The following FBN1 variants were observed in gnomAD, a reference collection of about 807,000 sequenced individuals.
FBN1 encodes the protein fibrillin-1.
Under a neutral mutation model 365.1 loss-of-function variants are expected in FBN1, and 29 were observed. That is an observed-to-expected ratio of 0.08 (90% CI 0.06 to 0.11). FBN1 has a LOEUF of 0.11. Ranked by LOEUF, FBN1 falls within the 10% of genes least tolerant of loss-of-function variation. FBN1 has a pLI of 1.00. For synonymous variants in FBN1, 1,210 were observed against 1,270.5 expected (o/e 0.95, Z 1.01); for missense variants, 2,476 against 3,703.2 (o/e 0.67, Z 8.60).
In FBN1 at chr15:48,441,883, C is replaced by T. The variant is rs202137580; in HGVS notation, c.6038-37G>A. The T allele has an allele frequency of 7.9e-4, 1,273 of 1,609,704 alleles. 1 individual carries two copies. The highest frequency in any genetic ancestry group is 9.9e-4 in the Non-Finnish European group (1,170 of 1,178,354). ...ACATGAGTCAAACAAAGTCAAAACA[C>T]GATGGAGACATCATCAGGTACCAAA... On this transcript the variant is annotated intron_variant, in intron 49 of 65. Coordinates refer to ENST00000316623, the MANE Select transcript of FBN1 (RefSeq NM_000138.5).
chr15:48,477,467 T>C (rs1036412810), intron 32 of FBN1, among the ~76,000 whole-genome samples: 1 of 152,342 alleles, frequency 6.6e-6, no homozygotes. Flanking sequence ...TTGGAGAGAC[T>C]TCAAGTGGTC....
intron 12 of FBN1, among the ~76,000 whole-genome samples, 170 bp from the exon 13 acceptor site, chr15:48,513,838 C>T (rs1000140277): frequency 2.6e-5 from 4 of 152,152 alleles, no homozygotes; most frequent in African/African-American, 9.7e-5. Flanking sequence ...CATTTGAAGA[C>T]TGGTTGAGCA....
At chr15:48,480,436 G>T (rs2043457430) in intron 32 of FBN1, among the ~76,000 whole-genome samples, 1 of 152,068 alleles carries the variant, frequency 6.6e-6, no homozygotes, top group African/African-American at 2.4e-5. Flanking sequence ...TAGGAGTTGA[G>T]AGTTTAAACA....
chr15:48,480,433 TGA>T (rs2043457405), intron 32 of FBN1, among the ~76,000 whole-genome samples: 1 of 152,030 alleles, frequency 6.6e-6, no homozygotes, highest in Non-Finnish European at 1.5e-5. Context: ...GTATAGGAGT[TGA>T]GAGTTTAAAC....
intron 6 of FBN1, among the ~76,000 whole-genome samples, chr15:48,562,300 T>C (rs1358096869): frequency 6.6e-6 from 1 of 152,200 alleles, no homozygotes; most frequent in Admixed American, 6.5e-5. Flanking sequence ...AAAGAGGCCA[T>C]GGATTACTGT....
intron 38 of FBN1, among the ~76,000 whole-genome samples, 181 bp from the exon 39 acceptor site, chr15:48,466,039 TTTA>T (rs1316090605): frequency 6.6e-6 from 1 of 152,206 alleles, no homozygotes. Context: ...TCCAGTGGTT[TTTA>T]TTATGTGTCC....
intron 16 of FBN1, among the ~76,000 whole-genome samples, chr15:48,504,723 A>G (rs2043693896): frequency 6.6e-6 from 1 of 152,222 alleles, no homozygotes; most frequent in South Asian, 2.1e-4. Context: ...GCATATGCAC[A>G]TCAATTTCAA....
At position 48,410,679 on chromosome 15, in the gene FBN1, C is replaced by T. The variant is rs894774727; in HGVS notation, c.*311G>A. 8.9e-6 allele frequency: 3 copies of T among 335,610 alleles called. No individual in the cohort carries two copies. The highest frequency in any genetic ancestry group is 1.6e-5 in the Non-Finnish European group (3 of 183,518). The allele number at this position is 335,610 out of a possible 1,614,324, so 20.8% of individuals were successfully genotyped here. A position where few individuals can be genotyped will look rare whatever the true frequency, so the allele number is the denominator to read the frequency against. ...CATCAATTGAAAGCACATTCCCGTA[C>T]GTTTGCTGGAAGGATGGCATGTCAG... is the stretch of plus-strand genomic sequence containing the variant. On this transcript the variant is annotated 3_prime_UTR_variant, in exon 66 of 66. Coordinates refer to ENST00000316623, the MANE Select transcript of FBN1 (RefSeq NM_000138.5).
intron 6 of FBN1, among the ~76,000 whole-genome samples, chr15:48,576,051 C>G (rs2044344441): frequency 6.6e-6 from 1 of 152,102 alleles, no homozygotes; most frequent in Non-Finnish European, 1.5e-5. Context: ...AGTGGTCTCA[C>G]CTACTTGTCT....
At chr15:48,602,399 C>G (rs1485809592) in intron 4 of FBN1, among the ~76,000 whole-genome samples, 2 of 152,058 alleles carry the variant, frequency 1.3e-5, no homozygotes, top group Non-Finnish European at 2.9e-5. Context: ...TATGCAATAC[C>G]TCTTAAGTGC....
intron 2 of FBN1, among the ~76,000 whole-genome samples, chr15:48,624,636 T>C (rs537724653): frequency 1.3e-5 from 2 of 152,372 alleles, no homozygotes; most frequent in African/African-American, 2.4e-5. Flanking sequence ...ATGTTGCCTG[T>C]GTAAAGAACT....
chr15:48,514,971 T>C (rs965796543), intron 12 of FBN1, among the ~76,000 whole-genome samples: 16 of 152,210 alleles, frequency 1.1e-4, no homozygotes, highest in African/African-American at 3.9e-4. Flanking sequence ...GAGAGTCTCC[T>C]GGATTATACA....
chr15:48,573,219 C>T (rs548567788), intron 6 of FBN1, among the ~76,000 whole-genome samples: 1 of 152,222 alleles, frequency 6.6e-6, no homozygotes, highest in Non-Finnish European at 1.5e-5. Context: ...TTGTGTTTTT[C>T]CATATATTTA....
intron 6 of FBN1, among the ~76,000 whole-genome samples, chr15:48,540,429 C>T (rs1037780222): frequency 6.6e-6 from 1 of 152,110 alleles, no homozygotes; most frequent in Non-Finnish European, 1.5e-5. Flanking sequence ...CTTCACTTAA[C>T]ATTGCCAAAG....
chr15:48,430,825 A>C, intron 55 of FBN1, 23 bp from the exon 56 acceptor site: 1 of 1,611,892 alleles, frequency 6.2e-7, no homozygotes, highest in African/African-American at 1.3e-5. Context: ...TACAATCACA[A>C]ATTTGTCAAA....
At chr15:48,596,599 G>A (rs912581893) in intron 5 of FBN1, among the ~76,000 whole-genome samples, 1 of 152,174 alleles carries the variant, frequency 6.6e-6, no homozygotes, top group Non-Finnish European at 1.5e-5. Context: ...AATGCTGATG[G>A]TCTCATTCCG....
In FBN1 at chr15:48,515,448, A is replaced by T; in HGVS notation, c.1407T>A (p.Pro469=). Residue 469 remains proline (P), a synonymous_variant, in exon 12 of 66, where the codon CCT becomes CCA. Coordinates refer to ENST00000316623, the MANE Select transcript of FBN1 (RefSeq NM_000138.5). The part of the protein sequence containing the change: ...LCQNGRCIPT[P]GSYRCECNKG... The stretch of plus-strand genomic sequence containing the variant: ...TGTTGCACTCACACCGGTAACTCCC[A>T]GGAGTTGGAATGCAGCGTCCATTTT... 6.2e-7 allele frequency: 1 copy of T among 1,614,050 alleles called. No homozygotes were observed. The highest frequency in any genetic ancestry group is 8.5e-7 in the Non-Finnish European group (1 of 1,179,906).
Position 48,408,683 on chromosome 15 carries a change from T to C in FBN1, c.*2307A>G, listed in dbSNP as rs922708892. 1.3e-5 allele frequency: 2 copies of C among 152,600 alleles called. No individual in the cohort carries two copies. The highest frequency in any genetic ancestry group is 6.5e-5 in the Admixed American group (1 of 15,286). The allele number at this position is 152,600 out of a possible 1,614,324, so 9.5% of individuals were successfully genotyped here. A position where few individuals can be genotyped will look rare whatever the true frequency, so the allele number is the denominator to read the frequency against. On this transcript the variant is annotated 3_prime_UTR_variant, in exon 66 of 66. Transcript: ENST00000316623. ...AAAAAGAGTTCCAACAAGAGGAATATTTACAATGGAACAATGAGGAAAATG... is the reference window on the plus strand; with the variant it reads ...AAAAAGAGTTCCAACAAGAGGAATACTTACAATGGAACAATGAGGAAAATG...
rs141801506 is a variant in FBN1, at chr15:48,469,242, G to A, written c.4460-708C>T. ...CGGTCAACCAAAAATTCAGACACAG[G>A]TTTTAAGAAAATATATTGAGTATAT... On this transcript the variant is annotated intron_variant, in intron 36 of 65. Coordinates refer to ENST00000316623, the MANE Select transcript of FBN1 (RefSeq NM_000138.5). Among the ~76,000 whole-genome samples, 752 of 142,748 alleles carry A rather than the reference G, an allele frequency of 5.3e-3. 5 individuals are homozygous for A. Among genetic ancestry groups the A allele is most frequent in the African/African-American group, 0.019 (721 of 38,038 alleles). 93.6% of individuals were successfully genotyped at this position (142,748 alleles called of 152,430 possible). A position where few individuals can be genotyped will look rare whatever the true frequency, so the allele number is the denominator to read the frequency against.
Sources: gnomAD v4.1 joint callset for allele counts (sites outside exome capture counted in the v4.1 genomes callset) on GRCh38, gnomAD v4.1.1 for gene constraint, MANE v1.5 for transcripts, NCBI Gene and HGNC (gene_info 2026-07-23, HGNC 2026-07-21) for gene names.